The following CAMK4 variants were observed in gnomAD, a reference collection of about 807,000 sequenced individuals.
CAMK4 encodes the protein calcium/calmodulin dependent protein kinase IV, also known as calcium/calmodulin-dependent protein kinase type IV.
CAMK4 carries 22 observed loss-of-function variants against 44.9 expected under a neutral mutation model. The observed-to-expected ratio is 0.49, with a 90% CI of 0.35 to 0.70. The LOEUF (loss-of-function observed/expected upper bound fraction) is 0.70. Ranked by LOEUF, CAMK4 falls within the 30% of genes least tolerant of loss-of-function variation. The pLI is 0.01. For synonymous variants in CAMK4, 218 were observed against 215.4 expected, an observed-to-expected ratio of 1.01 and a Z score of -0.11; for missense variants, 498 against 586.8, an observed-to-expected ratio of 0.85 and a Z score of 1.56.
intron 2 of CAMK4, among the ~76,000 whole-genome samples, chr5:111,367,957 C>T (rs986038061): frequency 2.6e-5 from 4 of 152,062 alleles, no homozygotes; most frequent in Non-Finnish European, 5.9e-5. Context: ...CATTGTGTCT[C>T]CGACCTTTCT....
chr5:111,231,089 A>G (rs1318373287), intron 1 of CAMK4, among the ~76,000 whole-genome samples: 3 of 152,170 alleles, frequency 2.0e-5, no homozygotes, highest in Non-Finnish European at 2.9e-5. Flanking sequence ...TCATGACTCC[A>G]ATGGTTTAAT....
At chr5:111,369,698 C>T (rs1750931867) in intron 2 of CAMK4, among the ~76,000 whole-genome samples, 1 of 152,048 alleles carries the variant, frequency 6.6e-6, no homozygotes, top group African/African-American at 2.4e-5. Context: ...AAGACCCCTG[C>T]AGATACCAAA....
intron 2 of CAMK4, among the ~76,000 whole-genome samples, chr5:111,348,657 G>A (rs907802445): frequency 1.8e-4 from 27 of 152,080 alleles, no homozygotes; most frequent in African/African-American, 6.5e-4. Flanking sequence ...AATGGTTTGT[G>A]TATGCACAGG....
At chr5:111,378,476 C>T (rs114362595) in intron 4 of CAMK4, among the ~76,000 whole-genome samples, 1,760 of 152,124 alleles carry the variant, frequency 0.012, 41 homozygotes, top group African/African-American at 0.04. Context: ...TTAACATTAC[C>T]CAGTGAAAAT....
At chr5:111,243,498 T>C (rs939922584) in intron 1 of CAMK4, among the ~76,000 whole-genome samples, 1 of 152,224 alleles carries the variant, frequency 6.6e-6, no homozygotes, top group Non-Finnish European at 1.5e-5. Context: ...TAAAGTTTTG[T>C]CAAGCAAAGA....
At chr5:111,407,358 AAAAG>A (rs919142560) in intron 5 of CAMK4, among the ~76,000 whole-genome samples, 4 of 149,814 alleles carry the variant, frequency 2.7e-5, no homozygotes, top group Non-Finnish European at 5.9e-5. Context: ...AAAAAAAAAA[AAAAG>A]AAAAGAAAAA....
chr5:111,312,465 GC>G (rs1178750152), intron 1 of CAMK4, among the ~76,000 whole-genome samples: 9 of 152,258 alleles, frequency 5.9e-5, no homozygotes, highest in African/African-American at 2.2e-4. Flanking sequence ...ACAATGCCTG[GC>G]TGTGAGTAAC....
chr5:111,424,027 G>A (rs1753124612), intron 5 of CAMK4, among the ~76,000 whole-genome samples: 2 of 152,176 alleles, frequency 1.3e-5, no homozygotes, highest in African/African-American at 2.4e-5. Context: ...AGCAGGATTA[G>A]AACCCTAAAT....
intron 2 of CAMK4, among the ~76,000 whole-genome samples, chr5:111,371,673 T>C (rs923994147): frequency 6.6e-6 from 1 of 152,278 alleles, no homozygotes; most frequent in South Asian, 2.1e-4. Flanking sequence ...TAAAACACAT[T>C]TTTTGGTTTT....
chr5:111,265,105 AT>A (rs1378142272), intron 1 of CAMK4, among the ~76,000 whole-genome samples: 1 of 151,900 alleles, frequency 6.6e-6, no homozygotes, highest in Non-Finnish European at 1.5e-5. Flanking sequence ...TTGCTTGCCC[AT>A]TGTCATGAGA....
intron 5 of CAMK4, among the ~76,000 whole-genome samples, chr5:111,429,190 G>T (rs1337219373): frequency 1.3e-5 from 2 of 152,006 alleles, no homozygotes; most frequent in Non-Finnish European, 1.5e-5. Flanking sequence ...AAAGATCAGT[G>T]AAACAAAACG....
At chr5:111,457,339 T>C (rs1401373451) in intron 7 of CAMK4, among the ~76,000 whole-genome samples, 1 of 152,188 alleles carries the variant, frequency 6.6e-6, no homozygotes, top group Non-Finnish European at 1.5e-5. Flanking sequence ...AGGGAGCTTA[T>C]TGGAACATAT....
chr5:111,491,211 T>A lies in CAMK4; in HGVS notation c.*6745T>A, dbSNP rs1755816959. On this transcript the variant is annotated 3_prime_UTR_variant, in exon 11 of 11. Coordinates refer to ENST00000282356, the MANE Select transcript of CAMK4 (RefSeq NM_001744.6). ...ACAGAGCAAATCTACCAAAGCCCCA[T>A]TTTTATTGGAACACAGGCATGCTCA... is the stretch of plus-strand genomic sequence containing the variant. 6.6e-6 allele frequency: 1 copy of A among 152,198 alleles called. No homozygotes were observed. The highest frequency in any genetic ancestry group is 1.5e-5 in the Non-Finnish European group (1 of 68,040). The allele number at this position is 152,198 out of a possible 1,614,324, so 9.4% of individuals were successfully genotyped here.
rs185023239 is a variant in CAMK4, at chr5:111,248,903, T to A, written c.161+24259T>A. Reference sequence around the variant, plus strand: ...GACAGATCTGATTGTCACCCATAGGTCCCTGAACTGTATCCTGGATCTCTG... The same window carrying A: ...GACAGATCTGATTGTCACCCATAGGACCCTGAACTGTATCCTGGATCTCTG... On this transcript the variant is annotated intron_variant, in intron 1 of 10. Transcript: ENST00000282356. Among the ~76,000 whole-genome samples the A allele has an allele frequency of 8.6e-5, 13 of 151,774 alleles. No individual in the cohort carries two copies. In the East Asian group the frequency reaches 1.9e-3, roughly 23 times the overall value.
At chr5:111,239,704 T>C (rs1469573106) in intron 1 of CAMK4, among the ~76,000 whole-genome samples, 1 of 152,252 alleles carries the variant, frequency 6.6e-6, no homozygotes, top group Non-Finnish European at 1.5e-5. Context: ...GCATTCATTA[T>C]ACACGGTAAG....
chr5:111,280,170 C>T (rs1381151149), intron 1 of CAMK4, among the ~76,000 whole-genome samples: 2 of 151,740 alleles, frequency 1.3e-5, no homozygotes, highest in Non-Finnish European at 2.9e-5. Context: ...AGAATATTCC[C>T]CAGGCATCAC....
chr5:111,360,408 T>A (rs979217500), intron 2 of CAMK4, among the ~76,000 whole-genome samples: 2 of 151,988 alleles, frequency 1.3e-5, no homozygotes, highest in African/African-American at 4.8e-5. Context: ...CAGCTACAGA[T>A]GACTAGGGAC....
At chr5:111,291,913 T>A (rs1019529152) in intron 1 of CAMK4, among the ~76,000 whole-genome samples, 4 of 152,256 alleles carry the variant, frequency 2.6e-5, no homozygotes, top group Admixed American at 1.3e-4. Flanking sequence ...TAGGTTTTTC[T>A]TGACAACATA....
At chr5:111,324,266 T>C (rs1386831023) in intron 1 of CAMK4, among the ~76,000 whole-genome samples, 2 of 151,952 alleles carry the variant, frequency 1.3e-5, no homozygotes, top group African/African-American at 4.8e-5. Flanking sequence ...AAGGCAGAGA[T>C]TGATACATTG....
Sources: gnomAD v4.1 joint callset for allele counts (sites outside exome capture counted in the v4.1 genomes callset) on GRCh38, gnomAD v4.1.1 for gene constraint, MANE v1.5 for transcripts, NCBI Gene and HGNC (gene_info 2026-07-23, HGNC 2026-07-21) for gene names.